NFIB: variants seen among roughly 807,000 people sequenced by gnomAD.
The protein encoded by NFIB is nuclear factor I B.
In NFIB, 11 loss-of-function variants were observed where a neutral mutation model predicts 61.5. The observed-to-expected ratio is 0.18, with a 90% CI of 0.11 to 0.30. NFIB has a LOEUF of 0.30. NFIB is among the 10% of genes least tolerant of loss of function. The pLI is 1.00. For missense variants in NFIB, 471 were observed against 608.9 expected (o/e 0.77, Z 2.38); for synonymous variants, 260 against 216.5 (o/e 1.20, Z -1.76).
intron 2 of NFIB, among the ~76,000 whole-genome samples, chr9:14,234,054 G>A (rs1216364770): frequency 6.6e-6 from 1 of 152,172 alleles, no homozygotes; most frequent in South Asian, 2.1e-4. Context: ...AAGGAAAGGA[G>A]ACTTAGAGCT....
intron 2 of NFIB, among the ~76,000 whole-genome samples, chr9:14,280,920 T>C (rs1563971339): frequency 6.6e-6 from 1 of 152,202 alleles, no homozygotes; most frequent in Admixed American, 6.5e-5. Context: ...GACTTTCTTA[T>C]AATTTTCTGG....
intron 1 of NFIB, among the ~76,000 whole-genome samples, chr9:14,373,524 T>A (rs1437546084): frequency 1.3e-5 from 2 of 152,126 alleles, no homozygotes; most frequent in South Asian, 2.1e-4. Context: ...GGTTTTTTTT[T>A]AAAGGGGGAA....
chr9:14,450,948 G>A, the NFIB span, among the ~76,000 whole-genome samples: 1 of 152,178 alleles, frequency 6.6e-6, no homozygotes, highest in South Asian at 2.1e-4. Context: ...ACATTTTCAG[G>A]GTTGGTATCA....
chr9:14,406,403 A>C, the NFIB span, among the ~76,000 whole-genome samples: 2 of 152,218 alleles, frequency 1.3e-5, no homozygotes, highest in East Asian at 3.8e-4. Flanking sequence ...TTCTACTTAC[A>C]GATAGCTGGG....
chr9:14,174,773 A>C (rs2045971188), intron 3 of NFIB, among the ~76,000 whole-genome samples: 1 of 151,834 alleles, frequency 6.6e-6, no homozygotes, highest in Non-Finnish European at 1.5e-5. Context: ...TCTCAAAAAA[A>C]AAAAAAAAAA....
intron 6 of NFIB, among the ~76,000 whole-genome samples, chr9:14,135,884 T>C (rs1328821827): frequency 6.6e-6 from 1 of 152,218 alleles, no homozygotes; most frequent in Non-Finnish European, 1.5e-5. Flanking sequence ...TATTTAATCT[T>C]AATTACACTT....
chr9:14,267,546 G>T (rs779961595), intron 2 of NFIB, among the ~76,000 whole-genome samples: 13 of 152,070 alleles, frequency 8.5e-5, no homozygotes, highest in Admixed American at 3.3e-4. Flanking sequence ...TTTCCCAAAA[G>T]ACCTTAGCCA....
chr9:14,387,295 AGC>A (rs1287110855), intron 1 of NFIB, among the ~76,000 whole-genome samples: 1 of 152,248 alleles, frequency 6.6e-6, no homozygotes, highest in Non-Finnish European at 1.5e-5. Flanking sequence ...GCTTTAGAGT[AGC>A]AAGCACGGTG....
intron 2 of NFIB, among the ~76,000 whole-genome samples, chr9:14,280,504 T>C (rs973184581): frequency 1.1e-4 from 16 of 152,312 alleles, no homozygotes; most frequent in Middle Eastern, 3.4e-3. Context: ...ACTTTACTTA[T>C]TTTAAAACTA....
In NFIB at chr9:14,119,438, A is replaced by G. The variant is rs73409981; in HGVS notation, c.1245+1002T>C. On this transcript the variant is annotated intron_variant, in intron 8 of 10. Coordinates refer to ENST00000380953, the MANE Select transcript of NFIB (RefSeq NM_001190737.2). ...AGGGTCCTGGATGCGTTGTTATTCT[A>G]AATTAAAAGTTCAGAAAGGACCATT... Among the ~76,000 whole-genome samples, 316 of 152,292 alleles carry G rather than the reference A, an allele frequency of 2.1e-3. 1 individual carries two copies. The highest frequency in any genetic ancestry group is 7.0e-3 in the African/African-American group (290 of 41,574).
At chr9:14,473,541 G>T in the NFIB span, among the ~76,000 whole-genome samples, 1 of 152,170 alleles carries the variant, frequency 6.6e-6, no homozygotes, top group South Asian at 2.1e-4. Flanking sequence ...TCACCACTGT[G>T]TTGCTTCTCA....
the NFIB span, among the ~76,000 whole-genome samples, chr9:14,460,051 A>C: frequency 6.6e-6 from 1 of 152,196 alleles, no homozygotes; most frequent in Admixed American, 6.5e-5. Context: ...TCATGCTGCT[A>C]TAAAGACACA....
chr9:14,258,110 T>A (rs1437268519), intron 2 of NFIB, among the ~76,000 whole-genome samples: 1 of 152,242 alleles, frequency 6.6e-6, no homozygotes, highest in Non-Finnish European at 1.5e-5. Context: ...TTTTGATGAC[T>A]CGTATTAGAA....
At chr9:14,373,883 A>C (rs1391021304) in intron 1 of NFIB, among the ~76,000 whole-genome samples, 3 of 152,204 alleles carry the variant, frequency 2.0e-5, no homozygotes, top group African/African-American at 4.8e-5. Flanking sequence ...CCCTAAAGCA[A>C]GGAAATATCT....
the NFIB span, among the ~76,000 whole-genome samples, chr9:14,471,427 C>G: frequency 2.6e-5 from 4 of 152,192 alleles, no homozygotes; most frequent in Non-Finnish European, 4.4e-5. Flanking sequence ...CCCCCAGAAG[C>G]GTTGCCATCA....
intron 2 of NFIB, among the ~76,000 whole-genome samples, chr9:14,255,403 C>T (rs2056123058): frequency 6.6e-6 from 1 of 152,154 alleles, no homozygotes; most frequent in South Asian, 2.1e-4. Context: ...TCAACTGTAG[C>T]ACATATCAAT....
At chr9:14,250,712 T>C (rs1042377383) in intron 2 of NFIB, among the ~76,000 whole-genome samples, 19 of 152,256 alleles carry the variant, frequency 1.2e-4, no homozygotes, top group African/African-American at 4.3e-4. Context: ...TATAGAATAT[T>C]TTAAGTCAAC....
intron 2 of NFIB, among the ~76,000 whole-genome samples, chr9:14,210,416 T>C (rs915409003): frequency 2.0e-5 from 3 of 151,944 alleles, no homozygotes; most frequent in Non-Finnish European, 2.9e-5. Context: ...TAACGAAAAA[T>C]GAACTTAAAA....
chr9:14,434,520 C>A, the NFIB span, among the ~76,000 whole-genome samples: 3 of 152,296 alleles, frequency 2.0e-5, no homozygotes, highest in African/African-American at 4.8e-5. Flanking sequence ...GCTTTTCCTA[C>A]TAGGGGAAGC....
Sources: gnomAD v4.1 joint callset for allele counts (sites outside exome capture counted in the v4.1 genomes callset) on GRCh38, gnomAD v4.1.1 for gene constraint, MANE v1.5 for transcripts, NCBI Gene and HGNC (gene_info 2026-07-23, HGNC 2026-07-21) for gene names.